MRPS35: variants seen among roughly 807,000 people sequenced by gnomAD.
MRPS35 encodes the protein mitochondrial ribosomal protein S35.
Under a neutral mutation model 32.7 loss-of-function variants are expected in MRPS35, and 29 were observed. That is an observed-to-expected ratio of 0.89 (90% confidence interval 0.66 to 1.21). The LOEUF (loss-of-function observed/expected upper bound fraction) is 1.21, where lower values mean the gene tolerates loss of function less well. Among genes scored for constraint, MRPS35 ranks in the 50% most tolerant of loss-of-function variants. MRPS35 has a pLI of 0.00. For synonymous variants in MRPS35, 148 were observed against 139.3 expected, an observed-to-expected ratio of 1.06 and a Z score of -0.44; for missense variants, 373 against 383.8, an observed-to-expected ratio of 0.97 and a Z score of 0.23.
Position 27,755,550 on chromosome 12 carries a change from T to TTG in MRPS35, c.*101_*102insGT, listed in dbSNP as rs200135132. The stretch of plus-strand genomic sequence containing the variant: ...TTGAAAATGTTAAAAAATCATTTTT[T>TTG]TTCCTCAGAGTTAAAATTATTTCCC... On this transcript the variant is annotated 3_prime_UTR_variant, in exon 8 of 8. Coordinates refer to ENST00000081029, the MANE Select transcript of MRPS35 (RefSeq NM_021821.4). The TTG allele has an allele frequency of 3.4e-6, 4 of 1,189,464 alleles. No individual in the cohort carries two copies. In the East Asian group the frequency reaches 1.1e-4, roughly 32 times the overall value. The allele number at this position is 1,189,464 out of a possible 1,614,324, so 73.7% of individuals were successfully genotyped here. A position where few individuals can be genotyped will look rare whatever the true frequency, so the allele number is the denominator to read the frequency against.
chr12:27,731,910 T>C (rs567088863), intron 5 of MRPS35, among the ~76,000 whole-genome samples: 1 of 152,318 alleles, frequency 6.6e-6, no homozygotes, highest in South Asian at 2.1e-4. Context: ...TTTCCAATCT[T>C]TTTTATTTTG....
chr12:27,751,337 G>A (rs2062002401), intron 7 of MRPS35, among the ~76,000 whole-genome samples: 1 of 151,816 alleles, frequency 6.6e-6, no homozygotes, highest in Non-Finnish European at 1.5e-5. Flanking sequence ...TGTCCTTTTT[G>A]TCAGATCCCG....
rs113474604 is a variant in MRPS35 at position 27,714,781 on chromosome 12, G to A, written c.114G>A (p.Pro38=). 1.4e-5 allele frequency: 22 copies of A among 1,609,302 alleles called. No individual in the cohort carries two copies. Among genetic ancestry groups the A allele is most frequent in the South Asian group, 3.3e-5 (3 of 90,922 alleles). ...SATPVPTPSL[P]ERTPGNERPP... is the part of the protein sequence containing the mutation. Reference sequence around the variant, plus strand: ...TACTGTGTTATCTTTTACGTACAGCGGAAAGAACACCCGGAAATGAAAGGC... The same window carrying A: ...TACTGTGTTATCTTTTACGTACAGCAGAAAGAACACCCGGAAATGAAAGGC... The change falls in exon 2 of 8, where the codon CCG becomes CCA. Residue 38 remains proline, a splice_region_variant and synonymous_variant. Transcript: ENST00000081029.
chr12:27,746,222 T>C (rs1384654991), intron 7 of MRPS35, among the ~76,000 whole-genome samples: 3 of 152,146 alleles, frequency 2.0e-5, no homozygotes, highest in East Asian at 3.9e-4. Flanking sequence ...AATAAGGAAA[T>C]TGATTAGGTT....
At chr12:27,739,542 T>C (rs1241554325) in intron 7 of MRPS35, among the ~76,000 whole-genome samples, 3 of 152,232 alleles carry the variant, frequency 2.0e-5, no homozygotes, top group African/African-American at 7.2e-5. Context: ...TCTTTACAAT[T>C]ATTTCCATTA....
chr12:27,732,582 A>AT (rs1480873874), intron 5 of MRPS35, among the ~76,000 whole-genome samples: 10 of 152,246 alleles, frequency 6.6e-5, no homozygotes, highest in African/African-American at 2.2e-4. Context: ...GTCCAGCATG[A>AT]TTAAAGCAAT....
chr12:27,718,172 C>T (rs1335674412), intron 3 of MRPS35, among the ~76,000 whole-genome samples: 1 of 152,200 alleles, frequency 6.6e-6, no homozygotes, highest in Non-Finnish European at 1.5e-5. Flanking sequence ...CACCCGTAAT[C>T]CCAGCACTTT....
Position 27,737,521 on chromosome 12 carries a change from C to T in MRPS35, c.633-18C>T, listed in dbSNP as rs1278500043. 2 of 1,606,976 alleles carry T rather than the reference C, an allele frequency of 1.2e-6. No individual in the cohort carries two copies. Among genetic ancestry groups the T allele is most frequent in the Non-Finnish European group, 1.7e-6 (2 of 1,174,590 alleles). ...TGAGTTTTTAGAATTTTGACTTCTC[C>T]CGCTTTCTCTTTAATAGGTGCCCTT... On this transcript the variant is annotated intron_variant, in intron 6 of 7. Transcript: ENST00000081029.
chr12:27,733,400 G>A (rs1161488718), intron 5 of MRPS35, among the ~76,000 whole-genome samples: 1 of 152,118 alleles, frequency 6.6e-6, no homozygotes, highest in Non-Finnish European at 1.5e-5. Flanking sequence ...GTAATGATCA[G>A]CTTTGCTGCC....
intron 7 of MRPS35, among the ~76,000 whole-genome samples, chr12:27,748,485 A>C (rs1365025011): frequency 2.7e-5 from 4 of 145,610 alleles, no homozygotes; most frequent in African/African-American, 1.0e-4. Flanking sequence ...CATATTTATA[A>C]ATTAAATGGT....
intron 4 of MRPS35, among the ~76,000 whole-genome samples, chr12:27,721,595 G>T (rs1049862592): frequency 7.9e-5 from 12 of 152,124 alleles, no homozygotes; most frequent in Non-Finnish European, 1.3e-4. Context: ...GATTGAGGCG[G>T]CAGTGAGCTC....
At chr12:27,725,426 A>C (rs2061895785) in intron 5 of MRPS35, among the ~76,000 whole-genome samples, 1 of 152,106 alleles carries the variant, frequency 6.6e-6, no homozygotes, top group Admixed American at 6.6e-5. Context: ...GGTTTTCTTT[A>C]TTAGAAAAAT....
At chr12:27,733,496 T>G (rs988181260) in intron 5 of MRPS35, among the ~76,000 whole-genome samples, 1 of 152,182 alleles carries the variant, frequency 6.6e-6, no homozygotes, top group Non-Finnish European at 1.5e-5. Flanking sequence ...TTATTATGAT[T>G]TCATTGAAGG....
At chr12:27,727,491 C>T (rs2061905040) in intron 5 of MRPS35, among the ~76,000 whole-genome samples, 1 of 152,044 alleles carries the variant, frequency 6.6e-6, no homozygotes, top group Admixed American at 6.5e-5. Flanking sequence ...GAGCAATTGA[C>T]TATACCATGT....
intron 7 of MRPS35, among the ~76,000 whole-genome samples, chr12:27,750,057 T>C (rs943221381): frequency 6.6e-6 from 1 of 152,212 alleles, no homozygotes; most frequent in Non-Finnish European, 1.5e-5. Flanking sequence ...TGTTAGTCTT[T>C]CCGTAACTTA....
At chr12:27,729,998 T>G (rs73086215) in intron 5 of MRPS35, among the ~76,000 whole-genome samples, 5,171 of 152,340 alleles carry the variant, frequency 0.034, 113 homozygotes, top group Middle Eastern at 0.061. Context: ...AACTTTTTAT[T>G]TTAGAATAGT....
chr12:27,722,613 A>G (rs1217787598), intron 4 of MRPS35, among the ~76,000 whole-genome samples: 2 of 152,128 alleles, frequency 1.3e-5, no homozygotes, highest in African/African-American at 4.8e-5. Flanking sequence ...GAAGTGATGC[A>G]TCTTATAGTG....
At chr12:27,747,682 G>A (rs1331769532) in intron 7 of MRPS35, among the ~76,000 whole-genome samples, 1 of 152,180 alleles carries the variant, frequency 6.6e-6, no homozygotes, top group Non-Finnish European at 1.5e-5. Context: ...AAAGAGAGTT[G>A]TAAATAAGAA....
At chr12:27,728,053 G>A (rs185993907) in intron 5 of MRPS35, among the ~76,000 whole-genome samples, 3 of 152,050 alleles carry the variant, frequency 2.0e-5, no homozygotes, top group South Asian at 2.1e-4. Flanking sequence ...TCCAATCCAC[G>A]GTTAGTTGAA....
Sources: gnomAD v4.1 joint callset for allele counts (sites outside exome capture counted in the v4.1 genomes callset) on GRCh38, gnomAD v4.1.1 for gene constraint, MANE v1.5 for transcripts, NCBI Gene and HGNC (gene_info 2026-07-23, HGNC 2026-07-21) for gene names.